Variants in NRXN3 observed in about 807,000 individuals in gnomAD.
The protein encoded by NRXN3 is neurexin III.
NRXN3 carries 32 observed loss-of-function variants against 137.6 expected under a neutral mutation model. The observed-to-expected ratio is 0.23, with a 90% CI of 0.18 to 0.31. The LOEUF (loss-of-function observed/expected upper bound fraction) is 0.31, where lower values mean the gene tolerates loss of function less well. Among genes scored for constraint, NRXN3 ranks in the 10% least tolerant of loss-of-function variants. The probability of loss-of-function intolerance (pLI) is 1.00; values close to 1 mark genes in which losing one functional copy is unlikely to be tolerated. For synonymous variants in NRXN3, 798 were observed against 784.5 expected (o/e 1.02, Z -0.29); for missense variants, 1,574 against 2,062.5 (o/e 0.76, Z 4.59).
intron 11 of NRXN3, among the ~76,000 whole-genome samples, chr14:78,961,761 T>C (rs2099408621): frequency 6.6e-6 from 1 of 152,204 alleles, no homozygotes; most frequent in African/African-American, 2.4e-5. Context: ...CCCTGGACTC[T>C]CCATGCTCAT....
chr14:79,820,539 G>A (rs772480170), intron 20 of NRXN3, among the ~76,000 whole-genome samples: 1 of 152,108 alleles, frequency 6.6e-6, no homozygotes, highest in Non-Finnish European at 1.5e-5. Flanking sequence ...TAGGTTTATG[G>A]GTACATGTGA....
At chr14:79,496,052 A>G (rs10444685) in intron 16 of NRXN3, among the ~76,000 whole-genome samples, 39,011 of 151,970 alleles carry the variant, frequency 0.26, 5,412 homozygotes, top group Non-Finnish European at 0.3. Context: ...ACCTTGCACT[A>G]ATTTTGGGTT....
At chr14:79,034,252 A>G (rs1168435734) in intron 15 of NRXN3, among the ~76,000 whole-genome samples, 1 of 152,000 alleles carries the variant, frequency 6.6e-6, no homozygotes, top group Non-Finnish European at 1.5e-5. Context: ...CTTCAAAAAT[A>G]GAAACTTTTT....
At chr14:78,567,530 C>T (rs2096847211) in intron 4 of NRXN3, among the ~76,000 whole-genome samples, 1 of 152,070 alleles carries the variant, frequency 6.6e-6, no homozygotes, top group African/African-American at 2.4e-5. Context: ...TATTTTCTTC[C>T]ATGAGCTCCT....
intron 19 of NRXN3, among the ~76,000 whole-genome samples, chr14:79,799,312 AT>A (rs1385339951): frequency 1.3e-5 from 2 of 152,176 alleles, no homozygotes; most frequent in East Asian, 3.9e-4. Flanking sequence ...GGGCAGAGGA[AT>A]ATTTTTCTCC....
intron 16 of NRXN3, among the ~76,000 whole-genome samples, chr14:79,652,437 G>A (rs901787642): frequency 1.3e-5 from 2 of 152,104 alleles, no homozygotes; most frequent in Non-Finnish European, 2.9e-5. Flanking sequence ...GGCTTCCAGA[G>A]GGCTTACAGT....
chr14:79,727,582 TG>T (rs1307517196), intron 19 of NRXN3, among the ~76,000 whole-genome samples: 1 of 152,026 alleles, frequency 6.6e-6, no homozygotes, highest in Non-Finnish European at 1.5e-5. Context: ...TACAGCTCCA[TG>T]TATGCTGCAG....
At chr14:79,425,045 G>C (rs1338829748) in intron 15 of NRXN3, among the ~76,000 whole-genome samples, 1 of 152,160 alleles carries the variant, frequency 6.6e-6, no homozygotes, top group Admixed American at 6.5e-5. Context: ...TCTCCCTTGA[G>C]ATTTCATAAA....
At chr14:79,128,419 C>T (rs991101774) in intron 15 of NRXN3, among the ~76,000 whole-genome samples, 7 of 149,574 alleles carry the variant, frequency 4.7e-5, no homozygotes, top group Admixed American at 4.7e-4. Flanking sequence ...GCCTTTTCTG[C>T]ATCTATTGAG....
intron 15 of NRXN3, among the ~76,000 whole-genome samples, chr14:79,423,630 T>C (rs892533291): frequency 2.6e-5 from 4 of 152,200 alleles, no homozygotes; most frequent in African/African-American, 9.6e-5. Context: ...CCTTCCCCAG[T>C]GTTTGTCTAC....
chr14:79,416,920 A>G (rs1349166668), intron 15 of NRXN3, among the ~76,000 whole-genome samples: 2 of 152,182 alleles, frequency 1.3e-5, no homozygotes, highest in African/African-American at 4.8e-5. Flanking sequence ...AAGAAAACAA[A>G]TTAGAAAAAA....
chr14:79,862,125 C>T lies in NRXN3; in HGVS notation c.*161C>T. The T allele has an allele frequency of 1.6e-6, 1 of 627,568 alleles. No individual in the cohort carries two copies. Among genetic ancestry groups the T allele is most frequent in the South Asian group, 2.0e-5 (1 of 50,284 alleles). 38.9% of individuals were successfully genotyped at this position (627,568 alleles called of 1,614,324 possible). A position where few individuals can be genotyped will look rare whatever the true frequency, so the allele number is the denominator to read the frequency against. On this transcript the variant is annotated 3_prime_UTR_variant, in exon 21 of 21. Transcript: ENST00000335750. ...GGAAAACCGTTTTTTAAAGGACACA[C>T]ACACACACAGCGATGCATCTCTCTC...
chr14:78,583,492 C>T (rs1177071926), intron 4 of NRXN3, among the ~76,000 whole-genome samples: 1 of 151,066 alleles, frequency 6.6e-6, no homozygotes, highest in Non-Finnish European at 1.5e-5. Context: ...AGGCTCTCAA[C>T]TTATTAAATG....
At chr14:78,369,067 G>T (rs1431201020) in intron 4 of NRXN3, among the ~76,000 whole-genome samples, 2 of 152,088 alleles carry the variant, frequency 1.3e-5, no homozygotes, top group Admixed American at 6.6e-5. Context: ...AGGTTCTTGG[G>T]TTTCTGGATT....
intron 4 of NRXN3, among the ~76,000 whole-genome samples, chr14:78,535,641 T>A (rs2096528417): frequency 6.6e-6 from 1 of 152,148 alleles, no homozygotes; most frequent in South Asian, 2.1e-4. Flanking sequence ...GACTAAAAAG[T>A]CCGAAGGATG....
intron 16 of NRXN3, among the ~76,000 whole-genome samples, chr14:79,514,246 A>G (rs542955070): frequency 6.6e-6 from 1 of 151,256 alleles, no homozygotes; most frequent in Non-Finnish European, 1.5e-5. Flanking sequence ...TTCTCTAACA[A>G]TTTTATTCAT....
chr14:78,317,866 C>T (rs530659228), intron 4 of NRXN3, among the ~76,000 whole-genome samples: 2 of 152,276 alleles, frequency 1.3e-5, no homozygotes, highest in Middle Eastern at 3.4e-3. Flanking sequence ...TTTCACCTAA[C>T]GTGATACACC....
intron 15 of NRXN3, among the ~76,000 whole-genome samples, chr14:79,183,797 G>A (rs891407687): frequency 1.3e-5 from 2 of 152,228 alleles, no homozygotes; most frequent in African/African-American, 2.4e-5. Flanking sequence ...CATAAAAGTC[G>A]AAAGGATTCC....
intron 3 of NRXN3, among the ~76,000 whole-genome samples, chr14:78,293,187 T>C (rs1442094116): frequency 2.0e-5 from 3 of 152,132 alleles, no homozygotes; most frequent in Non-Finnish European, 2.9e-5. Flanking sequence ...CTCCAGGATA[T>C]CTTAATATTT....
Sources: gnomAD v4.1 joint callset for allele counts (sites outside exome capture counted in the v4.1 genomes callset) on GRCh38, gnomAD v4.1.1 for gene constraint, MANE v1.5 for transcripts, NCBI Gene and HGNC (gene_info 2026-07-23, HGNC 2026-07-21) for gene names.